STMN2: variants seen among roughly 807,000 people sequenced by gnomAD.
The protein encoded by STMN2 is stathmin 2.
A neutral mutation model predicts 24.1 loss-of-function variants in STMN2; 2 were observed. The observed-to-expected ratio is 0.08, with a 90% CI of 0.03 to 0.26. The LOEUF is 0.26. Among genes scored for constraint, STMN2 ranks in the 10% least tolerant of loss-of-function variants. The probability of loss-of-function intolerance (pLI) is 1.00; values close to 1 mark genes in which losing one functional copy is unlikely to be tolerated. For synonymous variants in STMN2, 83 were observed against 77.5 expected (o/e 1.07, Z -0.37); for missense variants, 114 against 213.6 (o/e 0.53, Z 2.91).
chr8:79,624,255 C>G (rs1442458436), intron 1 of STMN2, among the ~76,000 whole-genome samples: 1 of 151,764 alleles, frequency 6.6e-6, no homozygotes, highest in Non-Finnish European at 1.5e-5. Context: ...GAGATCGAGA[C>G]CATCCTGGCT....
At chr8:79,624,693 T>C (rs1809610935) in intron 1 of STMN2, among the ~76,000 whole-genome samples, 1 of 152,154 alleles carries the variant, frequency 6.6e-6, no homozygotes, top group Admixed American at 6.5e-5. Context: ...TATGAATACA[T>C]ACGGTGAGGA....
chr8:79,640,725 G>A (rs1810077430), intron 2 of STMN2, among the ~76,000 whole-genome samples: 1 of 152,196 alleles, frequency 6.6e-6, no homozygotes, highest in African/African-American at 2.4e-5. Flanking sequence ...GTGCATGATT[G>A]ATGACTGGAA....
intron 4 of STMN2, among the ~76,000 whole-genome samples, chr8:79,660,109 A>G (rs1490026247): frequency 6.6e-6 from 1 of 152,218 alleles, no homozygotes; most frequent in Non-Finnish European, 1.5e-5. Flanking sequence ...TGAGAAGGAA[A>G]GTATGTGGCA....
chr8:79,647,360 T>TTTTAAA (rs1226587916), intron 3 of STMN2, among the ~76,000 whole-genome samples: 1 of 152,150 alleles, frequency 6.6e-6, no homozygotes, highest in African/African-American at 2.4e-5. Context: ...TGTTAGGGCT[T>TTTTAAA]TTTAAATTTA....
intron 4 of STMN2, 135 bp from the exon 5 acceptor site, chr8:79,664,680 C>T: frequency 3.6e-6 from 2 of 552,974 alleles, no homozygotes; most frequent in South Asian, 3.0e-5. Context: ...TTGCAGGGCC[C>T]ATATTTTCCT....
At chr8:79,650,977 A>G (rs4556129) in intron 3 of STMN2, among the ~76,000 whole-genome samples, 36,638 of 152,122 alleles carry the variant, frequency 0.24, 5,167 homozygotes, top group Non-Finnish European at 0.31. Flanking sequence ...ATGAATAGAG[A>G]CTAATATAGG....
At position 79,665,402 on chromosome 8, in the gene STMN2, C is replaced by T. The variant is rs1806579047; in HGVS notation, c.*528C>T. 6.5e-6 allele frequency: 1 copy of T among 154,412 alleles called. No individual in the cohort carries two copies. The highest frequency in any genetic ancestry group is 2.0e-4 in the South Asian group (1 of 4,926). The allele number at this position is 154,412 out of a possible 1,614,324, so 9.6% of individuals were successfully genotyped here. ...CCACATGAACCTTCACATTTGTTCG[C>T]TCATAATCTACTTACTGCCTAAAAA... On this transcript the variant is annotated 3_prime_UTR_variant, in exon 5 of 5. Coordinates refer to ENST00000220876, the MANE Select transcript of STMN2 (RefSeq NM_007029.4).
chr8:79,624,769 A>G (rs1809613048), intron 1 of STMN2, among the ~76,000 whole-genome samples: 1 of 152,202 alleles, frequency 6.6e-6, no homozygotes, highest in Admixed American at 6.5e-5. Context: ...ACTCTCCACA[A>G]AACAAATAAT....
intron 1 of STMN2, among the ~76,000 whole-genome samples, chr8:79,633,411 C>T (rs751616818): frequency 1.3e-5 from 2 of 152,138 alleles, no homozygotes; most frequent in Non-Finnish European, 2.9e-5. Context: ...CCCCAGACCA[C>T]CTCGAACAAG....
chr8:79,633,997 A>G (rs1455311797), intron 1 of STMN2, among the ~76,000 whole-genome samples: 1 of 152,186 alleles, frequency 6.6e-6, no homozygotes, highest in Non-Finnish European at 1.5e-5. Flanking sequence ...TACAGCTTTC[A>G]TCTGTTACTA....
intron 1 of STMN2, chr8:79,613,382 C>T (rs1287888060): frequency 1.0e-6 from 1 of 985,304 alleles, no homozygotes; most frequent in South Asian, 4.7e-5. Flanking sequence ...GCGCTCCCCT[C>T]CCCGGAGTTG....
intron 1 of STMN2, among the ~76,000 whole-genome samples, chr8:79,633,634 G>C (rs1020095875): frequency 1.3e-5 from 2 of 152,190 alleles, no homozygotes; most frequent in Admixed American, 6.5e-5. Flanking sequence ...GGCAAAAGGA[G>C]ATTGAGCTAG....
In STMN2 at chr8:79,636,882, A is replaced by G. The variant is rs1395907062; in HGVS notation, c.100A>G (p.Ile34Val). ...CFYPEPRNIN[I>V]YTYDDMEVKQ... ...TTACCCGGAACCTCGCAACATCAAC[A>G]TCTATACTTACGATGGTGAGTAACC... The change falls in exon 2 of 5, where the codon ATC becomes GTC. Residue 34 changes from isoleucine to valine, a missense_variant. By Grantham distance (29) the Ile-to-Val change is conservative. Transcript: ENST00000220876. The G allele has an allele frequency of 6.2e-7, 1 of 1,613,724 alleles. No homozygotes were observed. Among genetic ancestry groups the G allele is most frequent in the Admixed American group, 1.7e-5 (1 of 60,004 alleles).
chr8:79,664,106 A>T (rs1464354253), intron 4 of STMN2, among the ~76,000 whole-genome samples: 1 of 152,234 alleles, frequency 6.6e-6, no homozygotes, highest in Non-Finnish European at 1.5e-5. Context: ...AAAAGGAAAG[A>T]TTTATGCAGG....
At chr8:79,625,154 A>AT (rs915481149) in intron 1 of STMN2, among the ~76,000 whole-genome samples, 3 of 152,034 alleles carry the variant, frequency 2.0e-5, no homozygotes, top group African/African-American at 4.8e-5. Flanking sequence ...ATTTTGAACT[A>AT]TTTTTTTATT....
intron 3 of STMN2, among the ~76,000 whole-genome samples, chr8:79,651,910 G>A (rs1425765144): frequency 6.6e-6 from 1 of 152,082 alleles, no homozygotes; most frequent in East Asian, 1.9e-4. Context: ...AAGGCTACTT[G>A]AAAAAAGTGG....
chr8:79,656,623 C>T (rs561771301), intron 4 of STMN2, among the ~76,000 whole-genome samples: 47 of 152,296 alleles, frequency 3.1e-4, no homozygotes, highest in African/African-American at 1.0e-3. Context: ...AGGATGTTCC[C>T]GCTTGACCAG....
In STMN2 at chr8:79,641,566, G is replaced by A. The variant is rs770009214; in HGVS notation, c.288+16G>A. 61 of 1,565,650 alleles carry A rather than the reference G, an allele frequency of 3.9e-5. No individual in the cohort carries two copies. Among genetic ancestry groups the A allele is most frequent in the Non-Finnish European group, 4.8e-5 (55 of 1,151,918 alleles). ...AAGAAGAAAGGTAACTTTTTCCATA[G>A]GTTTTCCTTCTCTCTCTCCCTCCCC... On this transcript the variant is annotated intron_variant, in intron 3 of 4. Coordinates refer to ENST00000220876, the MANE Select transcript of STMN2 (RefSeq NM_007029.4).
intron 1 of STMN2, among the ~76,000 whole-genome samples, chr8:79,629,569 C>T (rs575753186): frequency 6.6e-6 from 1 of 152,132 alleles, no homozygotes; most frequent in African/African-American, 2.4e-5. Flanking sequence ...TTGCACACTG[C>T]GCATTTTACA....
Sources: gnomAD v4.1 joint callset for allele counts (sites outside exome capture counted in the v4.1 genomes callset) on GRCh38, gnomAD v4.1.1 for gene constraint, MANE v1.5 for transcripts, NCBI Gene and HGNC (gene_info 2026-07-23, HGNC 2026-07-21) for gene names.